The following CAB39L variants were observed in gnomAD, a reference collection of about 807,000 sequenced individuals.
The protein encoded by CAB39L is calcium binding protein 39 like, also known as calcium-binding protein 39-like.
Under a neutral mutation model 39.1 loss-of-function variants are expected in CAB39L, and 23 were observed. That is an observed-to-expected ratio of 0.59 (90% CI 0.42 to 0.83). The LOEUF (loss-of-function observed/expected upper bound fraction) is 0.83, where lower values mean the gene tolerates loss of function less well. Ranked by LOEUF, CAB39L falls within the 40% of genes least tolerant of loss-of-function variation. The pLI is 0.00. For missense variants in CAB39L, 366 were observed against 391.9 expected, an observed-to-expected ratio of 0.93 and a Z score of 0.56; for synonymous variants, 126 against 137.2, an observed-to-expected ratio of 0.92 and a Z score of 0.57.
intron 5 of CAB39L, among the ~76,000 whole-genome samples, chr13:49,366,493 G>A (rs1334207633): frequency 6.6e-6 from 1 of 151,746 alleles, no homozygotes; most frequent in Non-Finnish European, 1.5e-5. Context: ...TAGGCTTGGT[G>A]GCACGCACCT....
At chr13:49,386,189 T>A (rs1262772089) in intron 3 of CAB39L, among the ~76,000 whole-genome samples, 1 of 152,214 alleles carries the variant, frequency 6.6e-6, no homozygotes, top group Non-Finnish European at 1.5e-5. Flanking sequence ...AGATATGATA[T>A]GATTTTTTGT....
rs140512332 is a variant in CAB39L at position 49,433,355 on chromosome 13, C to T, written c.-69G>A. The T allele has an allele frequency of 3.8e-4, 172 of 453,582 alleles. No homozygotes were observed. The highest frequency in any genetic ancestry group is 3.3e-3 in the African/African-American group (165 of 50,004). 28.1% of individuals were successfully genotyped at this position (453,582 alleles called of 1,614,324 possible). On this transcript the variant is annotated 5_prime_UTR_variant, in exon 3 of 11. Coordinates refer to ENST00000409308, the MANE Select transcript of CAB39L (RefSeq NM_001079670.3). ...ATATCATTTGCAAATTTGTTTGAAC[C>T]TTCTTAGCTTTCACCAAAGTCACTG... is the stretch of plus-strand genomic sequence containing the variant.
Position 49,337,272 on chromosome 13 carries a change from T to C in CAB39L, c.690+2405A>G, listed in dbSNP as rs566770549. 6.6e-5 allele frequency among the ~76,000 whole-genome samples: 10 copies of C among 151,880 alleles called. No homozygotes were observed. The South Asian group carries it at 1.3e-3, about 19-fold the overall frequency. On this transcript the variant is annotated intron_variant, in intron 9 of 10. Transcript: ENST00000409308. ...CACTATATCCCAAACCTAGAAAAAA[T>C]AGGAAAAAATGACAATACAAGTGTG...
chr13:49,350,949 T>A (rs1955331408), intron 6 of CAB39L, 37 bp from the exon 7 acceptor site: 1 of 1,459,534 alleles, frequency 6.9e-7, no homozygotes, highest in Non-Finnish European at 9.2e-7. Context: ...AGAACTCTGT[T>A]ATCCTATTAA....
In CAB39L at chr13:49,308,965, G is replaced by A. The variant is rs1052915233; in HGVS notation, c.*1849C>T. ...TTTATCAGAAAAGAATAATAACAAG[G>A]CCTCACTCTCCAAAGGAAAACAGAC... On this transcript the variant is annotated 3_prime_UTR_variant, in exon 11 of 11. Coordinates refer to ENST00000409308, the MANE Select transcript of CAB39L (RefSeq NM_001079670.3). The A allele has an allele frequency of 6.6e-6, 1 of 152,156 alleles. No homozygotes were observed. Among genetic ancestry groups the A allele is most frequent in the Non-Finnish European group, 1.5e-5 (1 of 68,016 alleles). The allele number at this position is 152,156 out of a possible 1,614,324, so 9.4% of individuals were successfully genotyped here.
At chr13:49,326,470 T>C (rs780084731) in intron 10 of CAB39L, among the ~76,000 whole-genome samples, 19 of 152,134 alleles carry the variant, frequency 1.2e-4, no homozygotes, top group Non-Finnish European at 2.2e-4. Flanking sequence ...CTGAGCCTAT[T>C]AGCAGGCTAA....
At chr13:49,386,212 T>C (rs1246215898) in intron 3 of CAB39L, among the ~76,000 whole-genome samples, 1 of 152,242 alleles carries the variant, frequency 6.6e-6, no homozygotes, top group Non-Finnish European at 1.5e-5. Context: ...ATTATTACTT[T>C]GCTTGGTTCT....
intron 9 of CAB39L, among the ~76,000 whole-genome samples, chr13:49,334,690 G>A (rs1954803206): frequency 6.6e-6 from 1 of 152,096 alleles, no homozygotes; most frequent in African/African-American, 2.4e-5. Context: ...GATGTGCATG[G>A]GTATTGTTGG....
intron 9 of CAB39L, 62 bp downstream of exon 9, chr13:49,339,615 C>T: frequency 1.4e-6 from 2 of 1,417,694 alleles, no homozygotes; most frequent in Non-Finnish European, 1.8e-6. Flanking sequence ...ACTAATAGAC[C>T]CGTCATTTGC....
At position 49,440,816 on chromosome 13, in the gene CAB39L, G is replaced by T. The variant is rs1012594402; in HGVS notation, c.-246+3170C>A. ...TTTGGCTCTCTGCTCCAACATTATT[G>T]GTATAGAAACGCTACTGATTTTTGT... On this transcript the variant is annotated intron_variant, in intron 1 of 10. Coordinates refer to ENST00000409308, the MANE Select transcript of CAB39L (RefSeq NM_001079670.3). Among the ~76,000 whole-genome samples the T allele has an allele frequency of 2.5e-4, 33 of 133,114 alleles. 1 individual carries two copies. The highest frequency in any genetic ancestry group is 2.2e-3 in the Admixed American group (29 of 12,948). 87.3% of individuals were successfully genotyped at this position (133,114 alleles called of 152,430 possible). A position where few individuals can be genotyped will look rare whatever the true frequency, so the allele number is the denominator to read the frequency against.
At chr13:49,411,206 T>C (rs911343919) in intron 3 of CAB39L, among the ~76,000 whole-genome samples, 3 of 151,924 alleles carry the variant, frequency 2.0e-5, no homozygotes, top group African/African-American at 7.3e-5. Context: ...TCCAGGAGTT[T>C]GAGACCAGCC....
intron 3 of CAB39L, among the ~76,000 whole-genome samples, chr13:49,427,753 T>A (rs1409265168): frequency 6.6e-6 from 1 of 152,188 alleles, no homozygotes; most frequent in East Asian, 1.9e-4. Context: ...ATAACATAGA[T>A]GGGTGGCTTA....
At chr13:49,327,650 T>C (rs144309033) in intron 10 of CAB39L, among the ~76,000 whole-genome samples, 1 of 152,368 alleles carries the variant, frequency 6.6e-6, no homozygotes, top group East Asian at 1.9e-4. Context: ...GAATCCACAC[T>C]TAGTGTTCTT....
At chr13:49,353,274 A>C (rs1474562620) in intron 6 of CAB39L, among the ~76,000 whole-genome samples, 1 of 152,212 alleles carries the variant, frequency 6.6e-6, no homozygotes, top group African/African-American at 2.4e-5. Context: ...GTTTTATTAA[A>C]GATGTTGTAA....
At chr13:49,424,991 C>A (rs1957221796) in intron 3 of CAB39L, among the ~76,000 whole-genome samples, 1 of 152,072 alleles carries the variant, frequency 6.6e-6, no homozygotes, top group African/African-American at 2.4e-5. Flanking sequence ...CACAAGAATG[C>A]ATTAAGCAGA....
At chr13:49,410,302 T>A (rs150145264) in intron 3 of CAB39L, among the ~76,000 whole-genome samples, 1 of 152,332 alleles carries the variant, frequency 6.6e-6, no homozygotes, top group Non-Finnish European at 1.5e-5. Flanking sequence ...CTTGCTCAAG[T>A]CAGTTAAGAA....
chr13:49,352,825 G>A (rs1409861330), intron 6 of CAB39L, among the ~76,000 whole-genome samples: 2 of 151,974 alleles, frequency 1.3e-5, no homozygotes, highest in Non-Finnish European at 2.9e-5. Context: ...TAGTTTTTAT[G>A]GAACTTTTAT....
rs193091218 is a variant in CAB39L, at chr13:49,429,630, C to G, written c.-32+3688G>C. ...CTTGCTATATGCTGATTTCTAAAAG[C>G]AATTTAATATAGTTTAGTTAACTAA... On this transcript the variant is annotated intron_variant, in intron 3 of 10. Transcript: ENST00000409308. 5.8e-3 allele frequency among the ~76,000 whole-genome samples: 886 copies of G among 152,206 alleles called. 3 individuals carry two copies. Among genetic ancestry groups the G allele is most frequent in the Non-Finnish European group, 9.1e-3 (619 of 68,002 alleles).
intron 7 of CAB39L, among the ~76,000 whole-genome samples, chr13:49,346,077 T>TATATATATATATATATGCTAG (rs1566079155): frequency 0.012 from 330 of 27,936 alleles, 24 homozygotes; most frequent in African/African-American, 0.045. Context: ...ATATGCTAGA[T>TATATATATATATATATGCTAG]ATATATATAT....
Sources: gnomAD v4.1 joint callset for allele counts (sites outside exome capture counted in the v4.1 genomes callset) on GRCh38, gnomAD v4.1.1 for gene constraint, MANE v1.5 for transcripts, NCBI Gene and HGNC (gene_info 2026-07-23, HGNC 2026-07-21) for gene names.